PDE2A: variants seen among roughly 807,000 people sequenced by gnomAD.
PDE2A encodes cGMP-dependent 3',5'-cyclic phosphodiesterase.
A neutral mutation model predicts 133.6 loss-of-function variants in PDE2A; 53 were observed. The observed-to-expected ratio is 0.40, with a 90% CI of 0.32 to 0.50. The LOEUF (loss-of-function observed/expected upper bound fraction) is 0.50. Ranked by LOEUF, PDE2A falls within the 20% of genes least tolerant of loss-of-function variation. The probability of loss-of-function intolerance (pLI) is 0.73; values close to 1 mark genes in which losing one functional copy is unlikely to be tolerated. For synonymous variants in PDE2A, 491 were observed against 490.2 expected (o/e 1.00, Z -0.02); for missense variants, 796 against 1,232.4 (o/e 0.65, Z 5.30).
intron 1 of PDE2A, among the ~76,000 whole-genome samples, chr11:72,667,895 A>G (rs908708031): frequency 1.3e-5 from 2 of 150,352 alleles, no homozygotes; most frequent in African/African-American, 4.9e-5. Context: ...GGGTGAGGGA[A>G]GAAGATGAAG....
Position 72,608,715 on chromosome 11 carries a change from A to G in PDE2A, c.181T>C (p.Ser61Pro). Residue 61 changes from serine to proline, a missense_variant, in exon 3 of 31, where the codon TCA becomes CCA. This residue lies in a region of PDE2A where 417 missense variants were observed against 475.3 expected (regional missense o/e 0.88). Transcript: ENST00000334456. Reference protein sequence around the residue: ...LLSLGSVIDISGLQRAVKEAL... With the variant: ...LLSLGSVIDIPGLQRAVKEAL... ...TCCTTGACAGCACGTTGCAGGCCTGAAATGTCGATGACAGAGCCCAGACTC... is the reference window on the plus strand; with the variant it reads ...TCCTTGACAGCACGTTGCAGGCCTGGAATGTCGATGACAGAGCCCAGACTC... 2 of 1,575,208 alleles carry G rather than the reference A, an allele frequency of 1.3e-6. No homozygotes were observed. Among genetic ancestry groups the G allele is most frequent in the Non-Finnish European group, 8.6e-7 (1 of 1,160,130 alleles).
intron 2 of PDE2A, among the ~76,000 whole-genome samples, chr11:72,634,916 G>A (rs564732781): frequency 1.1e-4 from 16 of 152,226 alleles, no homozygotes; most frequent in South Asian, 6.2e-4. Context: ...CGGGGCCCTC[G>A]AAGGCAGGGG....
rs546869530 is a variant in PDE2A at position 72,584,437 on chromosome 11, C to T, written c.1537+114G>A. 74 of 1,330,274 alleles carry T rather than the reference C, an allele frequency of 5.6e-5. 1 individual carries two copies. The South Asian group carries it at 9.0e-4, about 16-fold the overall frequency. The allele number at this position is 1,330,274 out of a possible 1,614,324, so 82.4% of individuals were successfully genotyped here. A position where few individuals can be genotyped will look rare whatever the true frequency, so the allele number is the denominator to read the frequency against. On this transcript the variant is annotated intron_variant, in intron 18 of 30. Coordinates refer to ENST00000334456, the MANE Select transcript of PDE2A (RefSeq NM_002599.5). ...CGTACGTCCCAGGCATGGAACCCGA[C>T]TCCCTTATGCTCCGGGACGCTGGAG...
chr11:72,581,976 G>C, intron 21 of PDE2A, 29 bp from the exon 22 acceptor site: 1 of 1,587,522 alleles, frequency 6.3e-7, no homozygotes, highest in Admixed American at 1.7e-5. Flanking sequence ...GGTATCAGAG[G>C]GGCTGCCAGT....
rs373775578 is a variant in PDE2A at position 72,578,196 on chromosome 11, T to G, written c.2615+37A>C. ...TGTCCCCACTCCAGCCTACCCTCTC[T>G]GTGCAGGGTGCAGCTTGTCCCCATG... On this transcript the variant is annotated intron_variant, in intron 30 of 30. Coordinates refer to ENST00000334456, the MANE Select transcript of PDE2A (RefSeq NM_002599.5). The surrounding 1 kb of genome is among the most constrained non-coding windows in gnomAD (Gnocchi z 4.2). The G allele has an allele frequency of 3.1e-6, 4 of 1,310,430 alleles. No individual in the cohort carries two copies. In the African/African-American group the frequency reaches 5.7e-5, roughly 19 times the overall value. 81.2% of individuals were successfully genotyped at this position (1,310,430 alleles called of 1,614,324 possible). A position where few individuals can be genotyped will look rare whatever the true frequency, so the allele number is the denominator to read the frequency against.
At chr11:72,600,359 C>T (rs1856684739) in intron 4 of PDE2A, among the ~76,000 whole-genome samples, 3 of 152,230 alleles carry the variant, frequency 2.0e-5, no homozygotes, top group South Asian at 4.1e-4. Flanking sequence ...CTTGATAAGC[C>T]GAGATGCCCC....
intron 13 of PDE2A, 63 bp downstream of exon 13, chr11:72,588,721 C>T (rs114307723): frequency 3.3e-6 from 5 of 1,511,560 alleles, no homozygotes; most frequent in African/African-American, 2.7e-5. Context: ...TTGTTACCCT[C>T]GTGGAGCCCT....
At chr11:72,660,397 G>T (rs887330123) in intron 1 of PDE2A, among the ~76,000 whole-genome samples, 1 of 152,170 alleles carries the variant, frequency 6.6e-6, no homozygotes, top group African/African-American at 2.4e-5. Context: ...CACACAGGAG[G>T]TGTTTGTTTC....
intron 1 of PDE2A, among the ~76,000 whole-genome samples, chr11:72,668,749 T>C (rs1027158468): frequency 6.6e-6 from 1 of 152,254 alleles, no homozygotes; most frequent in African/African-American, 2.4e-5. Flanking sequence ...CTTTCTTCCA[T>C]TGTATTATCT....
At chr11:72,628,236 C>A (rs1858183124) in intron 2 of PDE2A, among the ~76,000 whole-genome samples, 1 of 152,236 alleles carries the variant, frequency 6.6e-6, no homozygotes, top group African/African-American at 2.4e-5. Context: ...CAGGCCTGCG[C>A]CGGGCACCCC....
Position 72,577,474 on chromosome 11 carries a change from C to G in PDE2A, c.2736G>C (p.Ser912=). 6.2e-7 allele frequency: 1 copy of G among 1,613,998 alleles called. No homozygotes were observed. Among genetic ancestry groups the G allele is most frequent in the African/African-American group, 1.3e-5 (1 of 75,042 alleles). The part of the protein sequence containing the change: ...FTIRGLPSNN[S]LDFLDEEYEV... Reference sequence around the variant, plus strand: ...CGTACTCCTCATCCAGGAAGTCCAGCGAGTTGTTACTTGGGAGGCCGCGGA... The same window carrying G: ...CGTACTCCTCATCCAGGAAGTCCAGGGAGTTGTTACTTGGGAGGCCGCGGA... The change falls in exon 31 of 31, where the codon TCG becomes TCC. Residue 912 remains serine (S), a synonymous_variant. Transcript: ENST00000334456.
Position 72,612,930 on chromosome 11 carries a change from C to T in PDE2A, c.145-4179G>A, listed in dbSNP as rs1591069075. The stretch of plus-strand genomic sequence containing the variant: ...GCCAGGGTTGGGGCTCAGCCGTGGG[C>T]TAGATCTGCATTTCTGCACTTATCT... On this transcript the variant is annotated intron_variant, in intron 2 of 30. Coordinates refer to ENST00000334456, the MANE Select transcript of PDE2A (RefSeq NM_002599.5). Among the ~76,000 whole-genome samples the T allele has an allele frequency of 2.6e-5, 4 of 152,190 alleles. No individual in the cohort carries two copies. In the East Asian group the frequency reaches 7.7e-4, roughly 29 times the overall value.
At chr11:72,625,793 G>C (rs909755745) in intron 2 of PDE2A, among the ~76,000 whole-genome samples, 14 of 152,238 alleles carry the variant, frequency 9.2e-5, no homozygotes, top group Non-Finnish European at 1.8e-4. Context: ...CCCCCAGCAA[G>C]GGCGCTGCCA....
chr11:72,628,918 G>A (rs1377254703), intron 2 of PDE2A, among the ~76,000 whole-genome samples: 3 of 152,174 alleles, frequency 2.0e-5, no homozygotes, highest in East Asian at 1.9e-4. Context: ...TGTTGGCAGC[G>A]TCCCCTCAGG....
intron 1 of PDE2A, among the ~76,000 whole-genome samples, chr11:72,658,437 C>A (rs1854960181): frequency 6.6e-6 from 1 of 152,160 alleles, no homozygotes; most frequent in Non-Finnish European, 1.5e-5. Context: ...CAGACTCCCA[C>A]CTGTGAGGCA....
In PDE2A at chr11:72,578,624, G is replaced by T; in HGVS notation, c.2470-110C>A. On this transcript the variant is annotated intron_variant, in intron 28 of 30. Coordinates refer to ENST00000334456, the MANE Select transcript of PDE2A (RefSeq NM_002599.5). The surrounding 1 kb of genome is among the most constrained non-coding windows in gnomAD (Gnocchi z 4.2). ...ACTGAGGCCCAGGGATTCAGTCCCA[G>T]CTCAGGAGCCGTCCCCACCAGCCCC... The T allele has an allele frequency of 1.0e-6, 1 of 983,714 alleles. No individual in the cohort carries two copies. The highest frequency in any genetic ancestry group is 1.6e-6 in the Non-Finnish European group (1 of 625,058). 60.9% of individuals were successfully genotyped at this position (983,714 alleles called of 1,614,324 possible).
In PDE2A at chr11:72,578,556, C is replaced by T. The variant is rs767572644; in HGVS notation, c.2470-42G>A. 4.5e-6 allele frequency: 7 copies of T among 1,538,798 alleles called. No homozygotes were observed. The South Asian group carries it at 7.8e-5, about 17-fold the overall frequency. On this transcript the variant is annotated intron_variant, in intron 28 of 30. Coordinates refer to ENST00000334456, the MANE Select transcript of PDE2A (RefSeq NM_002599.5). This position sits in a 1 kb window ranked among gnomAD's most constrained non-coding sequence, Gnocchi z 4.2. ...CTCATCACATCCTCTATGTAGGATA[C>T]ATCCACCCAAGCTCCTCTGACAGCC... is the stretch of plus-strand genomic sequence containing the variant.
At chr11:72,630,765 A>G (rs1858334114) in intron 2 of PDE2A, among the ~76,000 whole-genome samples, 1 of 151,344 alleles carries the variant, frequency 6.6e-6, no homozygotes, top group Non-Finnish European at 1.5e-5. Flanking sequence ...GAGGAGAGGA[A>G]CTCGGGAAAT....
intron 1 of PDE2A, among the ~76,000 whole-genome samples, chr11:72,671,763 A>G (rs1855391227): frequency 6.6e-6 from 1 of 152,184 alleles, no homozygotes; most frequent in South Asian, 2.1e-4. Context: ...CCAGCCTTGC[A>G]GCCAAAGGGT....
Sources: gnomAD v4.1 joint callset for allele counts (sites outside exome capture counted in the v4.1 genomes callset) on GRCh38, gnomAD v4.1.1 for gene constraint, gnomAD v4.1.1 regional missense constraint, Gnocchi (gnomAD v3.1) non-coding constraint, MANE v1.5 for transcripts, NCBI Gene and HGNC (gene_info 2026-07-23, HGNC 2026-07-21) for gene names.